Variants in PALS2 observed in about 807,000 individuals in gnomAD.
PALS2 encodes the protein protein PALS2.
A neutral mutation model predicts 61.6 loss-of-function variants in PALS2; 27 were observed. The ratio of observed to expected loss-of-function variants is 0.44; its 90% CI spans 0.32 to 0.60. The LOEUF (loss-of-function observed/expected upper bound fraction) is 0.60. Among genes scored for constraint, PALS2 ranks in the 20% least tolerant of loss-of-function variants. PALS2 has a pLI of 0.05. For synonymous variants in PALS2, 236 were observed against 218.6 expected, an observed-to-expected ratio of 1.08 and a Z score of -0.70; for missense variants, 554 against 639.4, an observed-to-expected ratio of 0.87 and a Z score of 1.44.
At chr7:24,649,058 A>C (rs888100080) in intron 3 of PALS2, among the ~76,000 whole-genome samples, 3 of 152,174 alleles carry the variant, frequency 2.0e-5, no homozygotes, top group African/African-American at 7.2e-5. Context: ...TCCTTTTATA[A>C]ACTAAAACCT....
chr7:24,633,639 T>A (rs918453908), intron 2 of PALS2, among the ~76,000 whole-genome samples: 3 of 152,106 alleles, frequency 2.0e-5, no homozygotes, highest in Admixed American at 2.0e-4. Context: ...TTTCAGATTT[T>A]GTAGCATTTT....
At chr7:24,591,313 G>A (rs559224803) in intron 1 of PALS2, among the ~76,000 whole-genome samples, 1 of 152,264 alleles carries the variant, frequency 6.6e-6, no homozygotes, top group African/African-American at 2.4e-5. Flanking sequence ...GACAGGGTCA[G>A]GAATGGAGGA....
At chr7:24,588,004 A>G (rs1285197002) in intron 1 of PALS2, among the ~76,000 whole-genome samples, 1 of 152,130 alleles carries the variant, frequency 6.6e-6, no homozygotes, top group African/African-American at 2.4e-5. Context: ...ATTTGAAGCC[A>G]TCTTTGGTTG....
chr7:24,658,887 C>T (rs1171405992), intron 5 of PALS2, among the ~76,000 whole-genome samples: 1 of 152,052 alleles, frequency 6.6e-6, no homozygotes, highest in Non-Finnish European at 1.5e-5. Context: ...GGTATGTGTA[C>T]AGGTCTGTTA....
At chr7:24,577,013 C>G (rs1362626376) in intron 1 of PALS2, among the ~76,000 whole-genome samples, 3 of 152,094 alleles carry the variant, frequency 2.0e-5, no homozygotes, top group African/African-American at 4.8e-5. Context: ...TTGTTAATGT[C>G]CAATTCAATA....
intron 1 of PALS2, among the ~76,000 whole-genome samples, chr7:24,606,429 G>A (rs1444474101): frequency 6.6e-6 from 1 of 152,114 alleles, no homozygotes; most frequent in Middle Eastern, 3.2e-3. Flanking sequence ...GTGAATTTAA[G>A]TACTATCTTT....
intron 2 of PALS2, among the ~76,000 whole-genome samples, chr7:24,638,799 A>G (rs2128068970): frequency 6.6e-6 from 1 of 151,970 alleles, no homozygotes; most frequent in Non-Finnish European, 1.5e-5. Flanking sequence ...CCACATTCCT[A>G]CTTCTCCTCA....
intron 9 of PALS2, among the ~76,000 whole-genome samples, chr7:24,674,962 T>TA (rs1349604920): frequency 1.3e-5 from 2 of 152,206 alleles, no homozygotes; most frequent in African/African-American, 2.4e-5. Context: ...AAATTACTTC[T>TA]AAAAAATCAC....
intron 9 of PALS2, among the ~76,000 whole-genome samples, chr7:24,670,417 T>C (rs765014197): frequency 2.0e-5 from 3 of 152,160 alleles, no homozygotes; most frequent in Non-Finnish European, 4.4e-5. Context: ...TCTCTCTGGC[T>C]GCCCAGCTGT....
chr7:24,676,950 T>C (rs1164161512), intron 9 of PALS2, among the ~76,000 whole-genome samples: 1 of 151,166 alleles, frequency 6.6e-6, no homozygotes, highest in African/African-American at 2.5e-5. Flanking sequence ...GCATTGAGTC[T>C]GTAAATTACC....
At position 24,588,115 on chromosome 7, in the gene PALS2, C is replaced by T. The variant is rs150439206; in HGVS notation, c.-3+14522C>T. ...GACCCCACAACAAAGAATTATCTGG[C>T]GCCAACTGACAGCAGTGCGAAGATT... On this transcript the variant is annotated intron_variant, in intron 1 of 11. Coordinates refer to ENST00000222644, the MANE Select transcript of PALS2 (RefSeq NM_001303037.2). Among the ~76,000 whole-genome samples, 363 of 152,166 alleles carry T rather than the reference C, an allele frequency of 2.4e-3. 5 individuals carry two copies. Among genetic ancestry groups the T allele is most frequent in the Admixed American group, 0.019 (289 of 15,264 alleles).
chr7:24,677,524 T>G lies in PALS2; in HGVS notation c.1115-1607T>G, dbSNP rs539476249. Reference sequence around the variant, plus strand: ...GCTGTGGGTTTGTCATAGATAGCTCTTATTATTTTGAGATACGTCCCATCA... The same window carrying G: ...GCTGTGGGTTTGTCATAGATAGCTCGTATTATTTTGAGATACGTCCCATCA... On this transcript the variant is annotated intron_variant, in intron 9 of 11. Coordinates refer to ENST00000222644, the MANE Select transcript of PALS2 (RefSeq NM_001303037.2). Among the ~76,000 whole-genome samples the G allele has an allele frequency of 5.3e-5, 8 of 152,074 alleles. No homozygotes were observed. In the East Asian group the frequency reaches 1.5e-3, roughly 29 times the overall value.
chr7:24,618,784 G>A lies in PALS2; in HGVS notation c.-2-4882G>A, dbSNP rs546724432. Among the ~76,000 whole-genome samples, 164 of 152,268 alleles carry A rather than the reference G, an allele frequency of 1.1e-3. No individual in the cohort carries two copies. Among genetic ancestry groups the A allele is most frequent in the Non-Finnish European group, 2.0e-3 (133 of 67,996 alleles). The stretch of plus-strand genomic sequence containing the variant: ...CAGGATGCCTCCACGCTGGCCTTGT[G>A]GGCTCCCAGTCATCACAGGTACCTC... On this transcript the variant is annotated intron_variant, in intron 1 of 11. Transcript: ENST00000222644. This position sits in a 1 kb window ranked among gnomAD's most constrained non-coding sequence, Gnocchi z 5.1.
chr7:24,606,933 G>T (rs1467278921), intron 1 of PALS2, among the ~76,000 whole-genome samples: 1 of 152,116 alleles, frequency 6.6e-6, no homozygotes, highest in Non-Finnish European at 1.5e-5. Flanking sequence ...TAGCATGAAA[G>T]TACTTTTATA....
Position 24,693,769 on chromosome 7 carries a change from C to T in PALS2, c.*6155C>T, listed in dbSNP as rs1352172054. On this transcript the variant is annotated 3_prime_UTR_variant, in exon 12 of 12. Coordinates refer to ENST00000222644, the MANE Select transcript of PALS2 (RefSeq NM_001303037.2). ...TTTTAAAGAAGTGATATGTTGGACT[C>T]TGTTGTAGAAGAATGAGCACTAGTA... 1 of 152,112 alleles carries T rather than the reference C, an allele frequency of 6.6e-6. No homozygotes were observed. The highest frequency in any genetic ancestry group is 1.9e-4 in the East Asian group (1 of 5,198). The allele number at this position is 152,112 out of a possible 1,614,324, so 9.4% of individuals were successfully genotyped here. A position where few individuals can be genotyped will look rare whatever the true frequency, so the allele number is the denominator to read the frequency against.
intron 1 of PALS2, among the ~76,000 whole-genome samples, chr7:24,574,805 T>G (rs1782585505): frequency 6.6e-6 from 1 of 152,230 alleles, no homozygotes; most frequent in Non-Finnish European, 1.5e-5. Flanking sequence ...ATTTGTAAAC[T>G]TATGTTGGTC....
At chr7:24,619,908 T>C (rs1376741010) in intron 1 of PALS2, 5 of 152,084 alleles carry the variant, frequency 3.3e-5, no homozygotes, top group Admixed American at 6.5e-5. Flanking sequence ...TTCCCTGTTT[T>C]TCTGGCTCCT....
chr7:24,640,685 C>T (rs1583925222), intron 2 of PALS2, among the ~76,000 whole-genome samples: 2 of 152,166 alleles, frequency 1.3e-5, no homozygotes, highest in African/African-American at 2.4e-5. Context: ...ACTTAACACT[C>T]GGCTTTACTC....
intron 2 of PALS2, among the ~76,000 whole-genome samples, chr7:24,624,605 C>CTTTTTTTTTTTTT (rs368160704): frequency 9.3e-5 from 8 of 86,350 alleles, no homozygotes; most frequent in Admixed American, 2.5e-4. Flanking sequence ...GCAGATTCTT[C>CTTTTTTTTTTTTT]TTTTTTTTTT....
Sources: gnomAD v4.1 joint callset for allele counts (sites outside exome capture counted in the v4.1 genomes callset) on GRCh38, gnomAD v4.1.1 for gene constraint, Gnocchi (gnomAD v3.1) non-coding constraint, MANE v1.5 for transcripts, NCBI Gene and HGNC (gene_info 2026-07-23, HGNC 2026-07-21) for gene names.